Variants in RAPGEF6 observed in about 807,000 individuals in gnomAD.
The protein encoded by RAPGEF6 is PDZ domain containing guanine nucleotide exchange factor (GEF) 2.
A neutral mutation model predicts 171.4 loss-of-function variants in RAPGEF6; 56 were observed. The observed-to-expected ratio is 0.33, with a 90% CI of 0.26 to 0.41. The LOEUF (loss-of-function observed/expected upper bound fraction) is 0.41, where lower values mean the gene tolerates loss of function less well. Among genes scored for constraint, RAPGEF6 ranks in the 10% least tolerant of loss-of-function variants. The pLI is 1.00. For missense variants in RAPGEF6, 1,674 were observed against 1,921.4 expected (o/e 0.87, Z 2.41); for synonymous variants, 692 against 650.1 (o/e 1.06, Z -0.98).
chr5:131,580,588 G>A (rs993491711), intron 4 of RAPGEF6, among the ~76,000 whole-genome samples: 4 of 152,238 alleles, frequency 2.6e-5, no homozygotes, highest in Admixed American at 2.0e-4. Context: ...CTCTCACGGT[G>A]AATAGCAGTG....
intron 7 of RAPGEF6, among the ~76,000 whole-genome samples, chr5:131,515,297 T>C (rs1442720299): frequency 4.6e-5 from 7 of 152,230 alleles, no homozygotes; most frequent in African/African-American, 1.4e-4. Flanking sequence ...TGGTCAGGGT[T>C]AGAACTCTAT....
At chr5:131,487,187 T>C (rs1481570519) in intron 15 of RAPGEF6, among the ~76,000 whole-genome samples, 3 of 152,212 alleles carry the variant, frequency 2.0e-5, no homozygotes, top group East Asian at 1.9e-4. Context: ...GGGTTCATGG[T>C]CTTGCTGACT....
intron 6 of RAPGEF6, among the ~76,000 whole-genome samples, chr5:131,528,484 A>G (rs559088847): frequency 1.9e-4 from 28 of 150,850 alleles, no homozygotes; most frequent in African/African-American, 6.8e-4. Flanking sequence ...CTACAAGAGA[A>G]ACATGGAACA....
At chr5:131,546,692 T>C (rs1323914249) in intron 6 of RAPGEF6, among the ~76,000 whole-genome samples, 8 of 152,182 alleles carry the variant, frequency 5.3e-5, no homozygotes, top group African/African-American at 1.7e-4. Context: ...CATATTATTA[T>C]AATGGAGTAC....
At chr5:131,486,333 G>A (rs114044668) in intron 15 of RAPGEF6, among the ~76,000 whole-genome samples, 1 of 152,296 alleles carries the variant, frequency 6.6e-6, no homozygotes, top group Non-Finnish European at 1.5e-5. Context: ...TATCTTTTTG[G>A]ATTGTTATGT....
chr5:131,492,889 T>C, intron 13 of RAPGEF6, 104 bp from the exon 14 acceptor site: 1 of 1,101,610 alleles, frequency 9.1e-7, no homozygotes, highest in Non-Finnish European at 1.3e-6. Context: ...TATACATGTA[T>C]AAGCTGAGGT....
At chr5:131,539,434 ATATT>A (rs920117965) in intron 6 of RAPGEF6, among the ~76,000 whole-genome samples, 3 of 152,204 alleles carry the variant, frequency 2.0e-5, no homozygotes, top group African/African-American at 7.2e-5. Context: ...ACTTGAATAA[ATATT>A]TAAACTTTTT....
chr5:131,606,154 G>T (rs1204804963), intron 1 of RAPGEF6, among the ~76,000 whole-genome samples: 1 of 151,778 alleles, frequency 6.6e-6, no homozygotes, highest in Non-Finnish European at 1.5e-5. Context: ...CTTGAGCCCA[G>T]GAGTTAGAGA....
At chr5:131,578,955 T>G (rs1762763836) in intron 4 of RAPGEF6, among the ~76,000 whole-genome samples, 1 of 152,196 alleles carries the variant, frequency 6.6e-6, no homozygotes. Flanking sequence ...GTTCTTGGTC[T>G]CACTAACTTC....
intron 1 of RAPGEF6, among the ~76,000 whole-genome samples, chr5:131,613,957 G>A (rs1010727988): frequency 6.6e-6 from 1 of 151,938 alleles, no homozygotes; most frequent in Non-Finnish European, 1.5e-5. Context: ...GGCTGCAGCA[G>A]GGTTGTATTA....
Position 131,578,744 on chromosome 5 carries a change from A to G in RAPGEF6, c.281+13639T>C, listed in dbSNP as rs540940380. ...TCACGCACATTAACAAACAGATGGG[A>G]GCATTCCAACTTCGCATTACTGATA... On this transcript the variant is annotated intron_variant, in intron 4 of 27. Transcript: ENST00000509018. Among the ~76,000 whole-genome samples, 153 of 152,282 alleles carry G rather than the reference A, an allele frequency of 1.0e-3. 1 individual carries two copies. The highest frequency in any genetic ancestry group is 3.5e-3 in the African/African-American group (146 of 41,554).
At chr5:131,448,112 G>T (rs1408638288) in intron 21 of RAPGEF6, among the ~76,000 whole-genome samples, 1 of 152,104 alleles carries the variant, frequency 6.6e-6, no homozygotes, top group Non-Finnish European at 1.5e-5. Context: ...AGCAGCTTTT[G>T]GTTCTTTTGT....
At chr5:131,557,018 A>G (rs1398582286) in intron 5 of RAPGEF6, among the ~76,000 whole-genome samples, 1 of 152,116 alleles carries the variant, frequency 6.6e-6, no homozygotes, top group Non-Finnish European at 1.5e-5. Context: ...TGCAGTGGCT[A>G]TTCACAGACA....
At chr5:131,507,933 T>A in intron 9 of RAPGEF6, 138 bp downstream of exon 9, 1 of 826,016 alleles carries the variant, frequency 1.2e-6, no homozygotes, top group African/African-American at 1.8e-5. Context: ...TGTAACTAAC[T>A]CAAACTTGGC....
chr5:131,519,744 C>T (rs1758352109), intron 7 of RAPGEF6, among the ~76,000 whole-genome samples: 2 of 152,192 alleles, frequency 1.3e-5, no homozygotes, highest in African/African-American at 4.8e-5. Context: ...GAGAAATCTA[C>T]AGCCACATCC....
intron 17 of RAPGEF6, among the ~76,000 whole-genome samples, chr5:131,470,882 TACTC>T (rs1216230809): frequency 6.6e-6 from 1 of 152,154 alleles, no homozygotes; most frequent in Non-Finnish European, 1.5e-5. Flanking sequence ...GTTCATTCCA[TACTC>T]AGGAAGGAGG....
At chr5:131,456,580 C>G (rs1426018317) in intron 19 of RAPGEF6, among the ~76,000 whole-genome samples, 1 of 152,214 alleles carries the variant, frequency 6.6e-6, no homozygotes, top group Non-Finnish European at 1.5e-5. Flanking sequence ...CTCAGATATT[C>G]CCTAACTTGA....
intron 7 of RAPGEF6, among the ~76,000 whole-genome samples, chr5:131,515,845 C>G (rs758672831): frequency 6.6e-6 from 1 of 151,780 alleles, no homozygotes; most frequent in Non-Finnish European, 1.5e-5. Context: ...AGTGGGGGAA[C>G]AGTAAAATAT....
At chr5:131,558,319 T>C (rs1212615256) in intron 5 of RAPGEF6, among the ~76,000 whole-genome samples, 1 of 152,024 alleles carries the variant, frequency 6.6e-6, no homozygotes, top group East Asian at 1.9e-4. Flanking sequence ...AAATGTTTGC[T>C]AGATCGTAGT....
Sources: gnomAD v4.1 joint callset for allele counts (sites outside exome capture counted in the v4.1 genomes callset) on GRCh38, gnomAD v4.1.1 for gene constraint, MANE v1.5 for transcripts, NCBI Gene and HGNC (gene_info 2026-07-23, HGNC 2026-07-21) for gene names.